NAV1: variants seen among roughly 807,000 people sequenced by gnomAD.
The protein encoded by NAV1 is pore membrane and/or filament interacting like protein 3.
NAV1 carries 18 observed loss-of-function variants against 175.2 expected under a neutral mutation model. The ratio of observed to expected loss-of-function variants is 0.10; its 90% CI spans 0.07 to 0.15. The LOEUF (loss-of-function observed/expected upper bound fraction) is 0.15, where lower values mean the gene tolerates loss of function less well. NAV1 is among the 10% of genes least tolerant of loss of function. The pLI, the probability that NAV1 is intolerant of heterozygous loss-of-function variation, is 1.00. For synonymous variants in NAV1, 897 were observed against 978.7 expected (o/e 0.92, Z 1.56); for missense variants, 1,731 against 2,436.6 (o/e 0.71, Z 6.10).
intron 16 of NAV1, 62 bp downstream of exon 20, chr1:201,803,776 C>A: frequency 1.9e-6 from 3 of 1,574,746 alleles, no homozygotes; most frequent in Non-Finnish European, 1.7e-6. Flanking sequence ...TTCACCTCAG[C>A]ATAGGGATCG....
At chr1:201,644,365 T>G (rs1007062732), upstream of NAV1, among the ~76,000 whole-genome samples, 3 of 152,200 alleles carry the variant, frequency 2.0e-5, no homozygotes, top group Non-Finnish European at 4.4e-5. Context: ...TTTTATCAAC[T>G]GATGCTGGAA....
chr1:201,776,572 C>T lies in NAV1; in HGVS notation c.1227-3849C>T, dbSNP rs188762210. On this transcript the variant is annotated intron_variant, in intron 3 of 29. Coordinates refer to ENST00000367296, the Ensembl canonical transcript of NAV1. ...AGGAGAATCGCTTGAACCCAGGGGA[C>T]GGAGGTTGCAGTGAGCCCAGATTGC... 1.6e-3 allele frequency among the ~76,000 whole-genome samples: 230 copies of T among 147,530 alleles called. 1 individual carries two copies. The highest frequency in any genetic ancestry group is 3.0e-3 in the Non-Finnish European group (201 of 67,476).
chr1:201,689,957 CTG>C (rs1036296852), intron 1 of NAV1, among the ~76,000 whole-genome samples: 2 of 150,328 alleles, frequency 1.3e-5, no homozygotes, highest in African/African-American at 2.4e-5. Flanking sequence ...CGTGGCCTGT[CTG>C]TGGCAGAATG....
intron 15 of NAV1, among the ~76,000 whole-genome samples, chr1:201,803,115 GATTTTCTACCCACC>G (rs538698031): frequency 7.4e-4 from 112 of 152,260 alleles, no homozygotes; most frequent in African/African-American, 2.5e-3. Flanking sequence ...AGAAAGCAAA[GATTTTCTACCCACC>G]AGATGAGAAA....
intron 2 of NAV1, among the ~76,000 whole-genome samples, chr1:201,593,601 T>C (rs1163720487): frequency 2.0e-5 from 3 of 152,224 alleles, no homozygotes; most frequent in African/African-American, 7.2e-5. Flanking sequence ...GTTCTGTCTT[T>C]TCTCAGGAGT....
chr1:201,746,992 T>G (rs1673809569), intron 3 of NAV1, among the ~76,000 whole-genome samples: 1 of 114,456 alleles, frequency 8.7e-6, no homozygotes, highest in African/African-American at 3.2e-5. Context: ...TGACCCTGTC[T>G]CAAAAAAAAA....
chr1:201,783,932 T>C, intron 7 of NAV1, 80 bp downstream of exon 11: 2 of 1,316,402 alleles, frequency 1.5e-6, no homozygotes, highest in Non-Finnish European at 2.1e-6. Context: ...TATCCTATAT[T>C]TTATTGCCAT....
chr1:201,707,447 C>T (rs2102458520), intron 1 of NAV1, among the ~76,000 whole-genome samples: 1 of 152,328 alleles, frequency 6.6e-6, no homozygotes, highest in African/African-American at 2.4e-5. Flanking sequence ...ATGCCCATTT[C>T]CCAGAGCGGG....
chr1:201,637,081 A>G (rs373111265), intron 2 of NAV1, among the ~76,000 whole-genome samples: 1 of 152,240 alleles, frequency 6.6e-6, no homozygotes, highest in Middle Eastern at 3.2e-3. Flanking sequence ...ATATGAGTCC[A>G]TGGCATTCCT....
At chr1:201,641,920 T>C (rs1367268460) in intron 2 of NAV1, among the ~76,000 whole-genome samples, 2 of 151,724 alleles carry the variant, frequency 1.3e-5, no homozygotes, top group Non-Finnish European at 2.9e-5. Flanking sequence ...CCTTCATTCC[T>C]TCCCTCCCTC....
At position 201,657,615 on chromosome 1, in the gene NAV1, T is replaced by C. The variant is rs891488896; in HGVS notation, c.757+8190T>C. Among the ~76,000 whole-genome samples, 12 of 152,296 alleles carry C rather than the reference T, an allele frequency of 7.9e-5. No individual in the cohort carries two copies. In the East Asian group the frequency reaches 1.7e-3, roughly 22 times the overall value. ...CCACCTGGACCTCACTGTCTGCATC[T>C]CAGAGTGGCTCCCTGCCGGGGACCC... On this transcript the variant is annotated intron_variant, in intron 1 of 29. Transcript: ENST00000367296.
At chr1:201,763,759 C>G (rs1450411916) in intron 3 of NAV1, among the ~76,000 whole-genome samples, 3 of 152,232 alleles carry the variant, frequency 2.0e-5, no homozygotes, top group Non-Finnish European at 4.4e-5. Context: ...ACTTCTCTGT[C>G]TCTCCTCTAC....
intron 1 of NAV1, among the ~76,000 whole-genome samples, 155 bp downstream of exon 5, chr1:201,649,580 C>A (rs1669107467): frequency 6.6e-6 from 1 of 152,206 alleles, no homozygotes; most frequent in African/African-American, 2.4e-5. Context: ...CCCAGATGTG[C>A]TGAGCTGGCC....
intron 2 of NAV1, among the ~76,000 whole-genome samples, chr1:201,638,890 A>G (rs1668676386): frequency 6.6e-6 from 1 of 152,206 alleles, no homozygotes; most frequent in Non-Finnish European, 1.5e-5. Flanking sequence ...AGCCCTTACT[A>G]ACTAACCTAT....
At chr1:201,798,895 G>A (rs541045136) in intron 15 of NAV1, among the ~76,000 whole-genome samples, 1 of 151,682 alleles carries the variant, frequency 6.6e-6, no homozygotes, top group Admixed American at 6.6e-5. Flanking sequence ...TAGAGATGGG[G>A]TCTCACCATG....
At chr1:201,783,578 A>G (rs972766155) in exon 7 of NAV1, 2 of 1,614,000 alleles carry the variant, frequency 1.2e-6, no homozygotes, top group Non-Finnish European at 1.7e-6. Flanking sequence ...CTTCACCCCC[A>G]GTCCGGCACC....
At chr1:201,691,667 G>A (rs938765411) in intron 1 of NAV1, among the ~76,000 whole-genome samples, 1 of 152,198 alleles carries the variant, frequency 6.6e-6, no homozygotes, top group Non-Finnish European at 1.5e-5. Flanking sequence ...ACAGAATAGC[G>A]GCTTGTATGA....
intron 11 of NAV1, 39 bp downstream of exon 15, chr1:201,789,831 C>CCT: frequency 6.3e-7 from 1 of 1,582,784 alleles, no homozygotes; most frequent in East Asian, 2.2e-5. Flanking sequence ...CATCCCCTCC[C>CCT]CTCTACCATC....
At chr1:201,659,346 T>C (rs539720014) in intron 1 of NAV1, among the ~76,000 whole-genome samples, 4 of 152,342 alleles carry the variant, frequency 2.6e-5, no homozygotes, top group Admixed American at 2.0e-4. Flanking sequence ...CTGAGCACAG[T>C]GGCTCACACC....
Sources: allele counts gnomAD v4.1 joint callset (sites outside exome capture counted in the v4.1 genomes callset), GRCh38; gene constraint gnomAD v4.1.1; transcripts MANE v1.5; gene names NCBI Gene and HGNC (gene_info 2026-07-23, HGNC 2026-07-21).